Variants in NDUFA9 observed in about 807,000 individuals in gnomAD.
NDUFA9 encodes NADH dehydrogenase [ubiquinone] 1 alpha subcomplex subunit 9, mitochondrial.
A neutral mutation model predicts 45.9 loss-of-function variants in NDUFA9; 23 were observed. The observed-to-expected ratio is 0.50, with a 90% confidence interval of 0.36 to 0.71. NDUFA9 has a LOEUF of 0.71. NDUFA9 is among the 30% of genes least tolerant of loss of function. NDUFA9 has a pLI of 0.00. For synonymous variants in NDUFA9, 176 were observed against 170.5 expected, an observed-to-expected ratio of 1.03 and a Z score of -0.25; for missense variants, 466 against 488.2, an observed-to-expected ratio of 0.95 and a Z score of 0.43.
At chr12:4,673,789 C>T (rs1157899827) in intron 8 of NDUFA9, among the ~76,000 whole-genome samples, 1 of 152,058 alleles carries the variant, frequency 6.6e-6, no homozygotes, top group South Asian at 2.1e-4. Flanking sequence ...CAAGGCAGGC[C>T]AACATTCAAA....
chr12:4,653,705 C>CTTTT, intron 1 of NDUFA9: 5 of 336,078 alleles, frequency 1.5e-5, no homozygotes, highest in South Asian at 9.3e-5. Flanking sequence ...GAACTGCATT[C>CTTTT]TTTTTTTTTT....
chr12:4,679,858 A>G (rs188786574), intron 8 of NDUFA9, among the ~76,000 whole-genome samples: 14 of 152,330 alleles, frequency 9.2e-5, no homozygotes, highest in Admixed American at 2.6e-4. Flanking sequence ...AGAATGGTCC[A>G]GGAAAGAGAT....
intron 8 of NDUFA9, among the ~76,000 whole-genome samples, chr12:4,674,586 A>G (rs1225581048): frequency 2.0e-5 from 3 of 152,218 alleles, no homozygotes; most frequent in African/African-American, 7.2e-5. Context: ...GCATTACATA[A>G]TGGTAAAGGG....
intron 8 of NDUFA9, among the ~76,000 whole-genome samples, chr12:4,673,179 CA>C (rs1410110321): frequency 6.6e-5 from 10 of 152,162 alleles, no homozygotes; most frequent in Non-Finnish European, 1.5e-4. Context: ...TCAACATCAA[CA>C]AAAAGGACGT....
At chr12:4,673,307 C>T (rs1945898883) in intron 8 of NDUFA9, among the ~76,000 whole-genome samples, 1 of 152,208 alleles carries the variant, frequency 6.6e-6, no homozygotes, top group Non-Finnish European at 1.5e-5. Flanking sequence ...CAGAAAGCCT[C>T]TTTTCCTCCA....
intron 7 of NDUFA9, 42 bp downstream of exon 7, chr12:4,668,566 G>A: frequency 6.6e-7 from 1 of 1,516,294 alleles, no homozygotes; most frequent in African/African-American, 1.4e-5. Context: ...GATTTTTGAT[G>A]AATTCAGATT....
Position 4,654,906 on chromosome 12 carries a change from G to A in NDUFA9, c.302G>A (p.Gly101Asp), listed in dbSNP as rs1394888431. 2 of 1,613,540 alleles carry A rather than the reference G, an allele frequency of 1.2e-6. No homozygotes were observed. The highest frequency in any genetic ancestry group is 1.7e-5 in the Admixed American group (1 of 59,902). Residue 101 changes from glycine to aspartate, a missense_variant, in exon 3 of 11, where the codon GGC becomes GAC. Physicochemically the swap from Gly to Asp is moderately conservative, Grantham distance 94 (BLOSUM62 -1). Coordinates refer to ENST00000266544, the MANE Select transcript of NDUFA9 (RefSeq NM_005002.5). ...IMHLRPMGDL[G>D]QLLFLEWDAR... ...CACCTTCGTCCCATGGGTGACCTGG[G>A]CCAGCTTCTGTTTCTGGTAAGGGCC...
At chr12:4,663,049 G>C (rs4147686) in intron 6 of NDUFA9, among the ~76,000 whole-genome samples, 8,699 of 152,162 alleles carry the variant, frequency 0.057, 398 homozygotes, top group East Asian at 0.2. Flanking sequence ...CCTTTTCCAG[G>C]ATATTACATA....
At chr12:4,686,643 T>C (rs1377227939) in intron 10 of NDUFA9, among the ~76,000 whole-genome samples, 1 of 152,144 alleles carries the variant, frequency 6.6e-6, no homozygotes, top group Non-Finnish European at 1.5e-5. Context: ...GATTTATTTC[T>C]GTTGAAATCT....
chr12:4,657,726 C>T (rs779617494), intron 3 of NDUFA9, 22 bp from the exon 4 acceptor site: 12 of 1,572,472 alleles, frequency 7.6e-6, no homozygotes, highest in Admixed American at 1.7e-5. Flanking sequence ...TGTTTTCATC[C>T]GATTGCTTTC....
chr12:4,677,579 T>G (rs1443314945), intron 8 of NDUFA9, among the ~76,000 whole-genome samples: 1 of 152,136 alleles, frequency 6.6e-6, no homozygotes, highest in Admixed American at 6.5e-5. Context: ...GAAGTGCAAA[T>G]CAAAACCACA....
chr12:4,655,897 G>A (rs117088652), intron 3 of NDUFA9: 1 of 152,286 alleles, frequency 6.6e-6, no homozygotes, highest in Non-Finnish European at 1.5e-5. Context: ...ACGGAGCACA[G>A]GACAGTCTCT....
intron 5 of NDUFA9, among the ~76,000 whole-genome samples, chr12:4,659,912 G>T (rs2137466259): frequency 6.6e-6 from 1 of 152,332 alleles, no homozygotes; most frequent in South Asian, 2.1e-4. Context: ...CACCTACTGT[G>T]TGTCACATAT....
chr12:4,677,449 T>G (rs898486636), intron 8 of NDUFA9, among the ~76,000 whole-genome samples: 2 of 152,030 alleles, frequency 1.3e-5, no homozygotes, highest in Non-Finnish European at 2.9e-5. Flanking sequence ...TTAAACAGAT[T>G]TACAAGAAAA....
At chr12:4,676,997 C>T (rs1945923739) in intron 8 of NDUFA9, among the ~76,000 whole-genome samples, 3 of 152,182 alleles carry the variant, frequency 2.0e-5, no homozygotes. Context: ...AATAATGCCA[C>T]ACATTTACAA....
chr12:4,665,068 A>G (rs1404892352), intron 6 of NDUFA9, among the ~76,000 whole-genome samples: 1 of 152,176 alleles, frequency 6.6e-6, no homozygotes, highest in African/African-American at 2.4e-5. Context: ...TTTAGATAAT[A>G]TTTGGATGCG....
chr12:4,664,880 A>C (rs1181441852), intron 6 of NDUFA9, among the ~76,000 whole-genome samples: 3 of 152,118 alleles, frequency 2.0e-5, no homozygotes, highest in Non-Finnish European at 4.4e-5. Context: ...TAAGTTTTGG[A>C]CTTACTTGGG....
chr12:4,660,749 C>G (rs755685308), intron 5 of NDUFA9, among the ~76,000 whole-genome samples: 1 of 152,108 alleles, frequency 6.6e-6, no homozygotes, highest in African/African-American at 2.4e-5. Context: ...TTATGAATGC[C>G]ATTGAGAAGT....
rs193109089 is a variant in NDUFA9 at position 4,672,601 on chromosome 12, A to C, written c.800+2784A>C. On this transcript the variant is annotated intron_variant, in intron 8 of 10. Coordinates refer to ENST00000266544, the MANE Select transcript of NDUFA9 (RefSeq NM_005002.5). ...GTAGGTGGTTTTCCCCTCACAGTAA[A>C]CAAAGCCACCAGGAAGTTCAAACTG... is the stretch of plus-strand genomic sequence containing the variant. Among the ~76,000 whole-genome samples the C allele has an allele frequency of 2.5e-3, 387 of 152,266 alleles. 4 individuals carry two copies. The highest frequency in any genetic ancestry group is 2.7e-3 in the South Asian group (13 of 4,820).
Sources: gnomAD v4.1 joint callset for allele counts (sites outside exome capture counted in the v4.1 genomes callset) on GRCh38, gnomAD v4.1.1 for gene constraint, MANE v1.5 for transcripts, NCBI Gene and HGNC (gene_info 2026-07-23, HGNC 2026-07-21) for gene names.